PCDH11X: variants seen among roughly 807,000 people sequenced by gnomAD.
The protein encoded by PCDH11X is protocadherin 11 X-linked, also known as protocadherin-11 X-linked.
In PCDH11X, 18 loss-of-function variants were observed where a neutral mutation model predicts 53.3. The ratio of observed to expected loss-of-function variants is 0.34; its 90% CI spans 0.23 to 0.50. The LOEUF (loss-of-function observed/expected upper bound fraction) is 0.50, where lower values mean the gene tolerates loss of function less well. Ranked by LOEUF, PCDH11X falls within the 20% of genes least tolerant of loss-of-function variation. The pLI is 0.98. For synonymous variants in PCDH11X, 279 were observed against 393.3 expected, an observed-to-expected ratio of 0.71 and a Z score of 3.44; for missense variants, 570 against 1,032.4, an observed-to-expected ratio of 0.55 and a Z score of 6.14.
intron 6 of PCDH11X, among the ~76,000 whole-genome samples, chrX:91,923,895 G>T (rs757397074): frequency 9.1e-6 from 1 of 110,329 alleles, no homozygotes; most frequent in Non-Finnish European, 1.9e-5. Flanking sequence ...CTACTAGAGT[G>T]GGGGGGAGCT....
At chrX:92,115,590 C>T (rs185596466) in intron 6 of PCDH11X, among the ~76,000 whole-genome samples, 1 of 110,454 alleles carries the variant, frequency 9.1e-6, no homozygotes, top group Non-Finnish European at 1.9e-5. Flanking sequence ...CATTCCGAGT[C>T]CCAAAACCTC....
chrX:92,585,012 C>T (rs2750596), intron 10 of PCDH11X, among the ~76,000 whole-genome samples: 2 of 110,058 alleles, frequency 1.8e-5, no homozygotes, highest in African/African-American at 3.3e-5. Flanking sequence ...TACAGTCCCA[C>T]GGGCTGTACA....
At chrX:92,559,076 A>C (rs1477954047) in intron 10 of PCDH11X, among the ~76,000 whole-genome samples, 1 of 111,279 alleles carries the variant, frequency 9.0e-6, no homozygotes, top group Non-Finnish European at 1.9e-5. Context: ...CATTGATTCA[A>C]AATAACAAGC....
At chrX:91,983,274 C>T (rs1213994800) in intron 6 of PCDH11X, 7 of 898,580 alleles carry the variant, frequency 7.8e-6, no homozygotes, top group African/African-American at 4.0e-5. Context: ...AGTGTATTGT[C>T]GGTGTTCTAT....
intron 1 of PCDH11X, among the ~76,000 whole-genome samples, chrX:91,799,682 A>G (rs757352419): frequency 8.9e-6 from 1 of 112,618 alleles, no homozygotes; most frequent in Admixed American, 9.4e-5. Flanking sequence ...GATGTTAAAC[A>G]TTTATATTCA....
chrX:92,478,080 A>T (rs1052068710), intron 10 of PCDH11X, among the ~76,000 whole-genome samples: 1 of 110,449 alleles, frequency 9.1e-6, no homozygotes. Flanking sequence ...TTATGGTTTT[A>T]TAAGTGTTTG....
chrX:92,281,316 A>G (rs946729551), intron 8 of PCDH11X, among the ~76,000 whole-genome samples: 1 of 111,955 alleles, frequency 8.9e-6, no homozygotes, highest in Non-Finnish European at 1.9e-5. Context: ...ACAGGCTACT[A>G]CTGTTTTCAT....
At chrX:92,444,550 T>C (rs1051127148) in intron 9 of PCDH11X, among the ~76,000 whole-genome samples, 11 of 109,798 alleles carry the variant, frequency 1.0e-4, no homozygotes, top group African/African-American at 3.3e-4. Flanking sequence ...TCCTGATTGC[T>C]CTGGCTAGCT....
intron 6 of PCDH11X, among the ~76,000 whole-genome samples, chrX:91,913,502 C>A (rs1941449390): frequency 9.0e-6 from 1 of 111,097 alleles, no homozygotes; most frequent in Non-Finnish European, 1.9e-5. Flanking sequence ...GGAACATAAC[C>A]CCATTGGCCT....
At chrX:91,791,355 A>G (rs2147520617) in intron 1 of PCDH11X, among the ~76,000 whole-genome samples, 1 of 110,997 alleles carries the variant, frequency 9.0e-6, no homozygotes, top group Non-Finnish European at 1.9e-5. Flanking sequence ...GCCTCAGGAA[A>G]CTTACAATCA....
At chrX:92,571,924 C>T (rs1482426115) in intron 10 of PCDH11X, among the ~76,000 whole-genome samples, 1 of 111,609 alleles carries the variant, frequency 9.0e-6, no homozygotes, top group African/African-American at 3.3e-5. Flanking sequence ...ATTTGAAAAT[C>T]GTAATATTAA....
At chrX:92,318,966 C>T (rs2069138846) in intron 8 of PCDH11X, among the ~76,000 whole-genome samples, 1 of 111,796 alleles carries the variant, frequency 8.9e-6, no homozygotes, top group African/African-American at 3.2e-5. Flanking sequence ...CTTTATATAG[C>T]AACTTTTTCT....
At chrX:92,229,035 A>C (rs894964969) in intron 7 of PCDH11X, among the ~76,000 whole-genome samples, 2 of 111,692 alleles carry the variant, frequency 1.8e-5, no homozygotes, top group Non-Finnish European at 3.8e-5. Flanking sequence ...AAAAATCGCA[A>C]ATCTCCTTTC....
intron 6 of PCDH11X, among the ~76,000 whole-genome samples, chrX:91,891,953 A>T (rs1465008718): frequency 4.1e-5 from 4 of 97,571 alleles, no homozygotes; most frequent in African/African-American, 1.5e-4. Context: ...AGAAAAAGAA[A>T]AAAAGCACAT....
chrX:91,918,435 T>C (rs1480229560), intron 6 of PCDH11X, among the ~76,000 whole-genome samples: 2 of 108,763 alleles, frequency 1.8e-5, no homozygotes, highest in Non-Finnish European at 1.9e-5. Context: ...TTATATTAAG[T>C]AGAATTTTTC....
At position 91,854,658 on chromosome X, in the gene PCDH11X, C is replaced by T. The variant is rs182759041; in HGVS notation, c.540+18614C>T. On this transcript the variant is annotated intron_variant, in intron 5 of 10. Transcript: ENST00000682573. ...TCCCTTTTCTCCACATCGTTGCCAA[C>T]ATTTGTTACCACCCGTCTTTTAGAT... Among the ~76,000 whole-genome samples, 297 of 112,025 alleles carry T rather than the reference C, an allele frequency of 2.7e-3. 2 individuals carry two copies. The highest frequency in any genetic ancestry group is 9.4e-3 in the African/African-American group (292 of 30,905).
chrX:92,216,482 T>C (rs373527093), intron 7 of PCDH11X, among the ~76,000 whole-genome samples: 2 of 103,989 alleles, frequency 1.9e-5, no homozygotes, highest in African/African-American at 3.5e-5. Flanking sequence ...TGAAATGAAG[T>C]GAGAAGGGAA....
At chrX:92,171,184 CA>C (rs2065820055) in intron 6 of PCDH11X, among the ~76,000 whole-genome samples, 1 of 104,511 alleles carries the variant, frequency 9.6e-6, no homozygotes, top group Non-Finnish European at 2.0e-5. Context: ...GCACTGAGGA[CA>C]GGAAGTATAC....
At chrX:92,504,780 C>T (rs749188808) in intron 10 of PCDH11X, among the ~76,000 whole-genome samples, 2 of 111,861 alleles carry the variant, frequency 1.8e-5, no homozygotes, top group East Asian at 2.8e-4. Context: ...TATATGCATT[C>T]CCTTTTCTCT....
Sources: gnomAD v4.1 joint callset for allele counts (sites outside exome capture counted in the v4.1 genomes callset) on GRCh38, gnomAD v4.1.1 for gene constraint, MANE v1.5 for transcripts, NCBI Gene and HGNC (gene_info 2026-07-23, HGNC 2026-07-21) for gene names.